Variants in STX8 observed in about 807,000 individuals in gnomAD.
STX8 encodes the protein syntaxin-8.
Under a neutral mutation model 37.5 loss-of-function variants are expected in STX8, and 23 were observed. The ratio of observed to expected loss-of-function variants is 0.61; its 90% CI spans 0.44 to 0.87. The LOEUF (loss-of-function observed/expected upper bound fraction) is 0.87, where lower values mean the gene tolerates loss of function less well. Ranked by LOEUF, STX8 falls within the 40% of genes least tolerant of loss-of-function variation. STX8 has a pLI of 0.00. For synonymous variants in STX8, 115 were observed against 99.1 expected (o/e 1.16, Z -0.95); for missense variants, 313 against 284.7 (o/e 1.10, Z -0.71).
intron 7 of STX8, among the ~76,000 whole-genome samples, chr17:9,252,903 G>T (rs1906641762): frequency 6.9e-6 from 1 of 145,014 alleles, no homozygotes; most frequent in Non-Finnish European, 1.5e-5. Flanking sequence ...TTTGTAGAGG[G>T]TTGTCAAAAA....
chr17:9,502,919 A>C (rs1343055697), intron 5 of STX8, among the ~76,000 whole-genome samples: 1 of 152,040 alleles, frequency 6.6e-6, no homozygotes, highest in African/African-American at 2.4e-5. Context: ...CCTGGCCAGC[A>C]TGGTGAAACC....
chr17:9,377,159 C>A (rs894228756), intron 7 of STX8, among the ~76,000 whole-genome samples: 1 of 152,172 alleles, frequency 6.6e-6, no homozygotes, highest in East Asian at 1.9e-4. Context: ...GCTTCTGAAG[C>A]TGCACATCTC....
At chr17:9,322,854 C>T (rs1189795909) in intron 7 of STX8, among the ~76,000 whole-genome samples, 4 of 139,934 alleles carry the variant, frequency 2.9e-5, no homozygotes, top group African/African-American at 1.1e-4. Flanking sequence ...GCAAAACCCT[C>T]ATTTGAAGTT....
chr17:9,336,688 C>A (rs900803771), intron 7 of STX8, among the ~76,000 whole-genome samples: 5 of 152,154 alleles, frequency 3.3e-5, no homozygotes, highest in African/African-American at 9.7e-5. Flanking sequence ...CCCACCTCGG[C>A]CTCCCAAAGT....
chr17:9,562,729 A>G (rs906442526), intron 2 of STX8, among the ~76,000 whole-genome samples: 5 of 152,190 alleles, frequency 3.3e-5, no homozygotes, highest in African/African-American at 1.2e-4. Context: ...TTATGAGGTT[A>G]ACAAAAATTC....
chr17:9,257,903 C>T (rs1401648280), intron 7 of STX8, among the ~76,000 whole-genome samples: 3 of 152,166 alleles, frequency 2.0e-5, no homozygotes, highest in African/African-American at 4.8e-5. Flanking sequence ...GCTGGAGAAT[C>T]ACTTGAACCC....
chr17:9,275,390 T>C (rs1384709071), intron 7 of STX8, among the ~76,000 whole-genome samples: 1 of 152,216 alleles, frequency 6.6e-6, no homozygotes, highest in Non-Finnish European at 1.5e-5. Context: ...TCTCTGTCTC[T>C]CCTTTAGTGC....
In STX8 at chr17:9,264,491, G is replaced by T. The variant is rs1271593430; in HGVS notation, c.644-13846C>A. ...GGATAATTTTTAAATTTTGTGTAGA[G>T]ATGAGGTCTCCCTGTGTTCCCAGGG... On this transcript the variant is annotated intron_variant, in intron 7 of 7. Coordinates refer to ENST00000306357, the MANE Select transcript of STX8 (RefSeq NM_004853.3). 2.6e-5 allele frequency among the ~76,000 whole-genome samples: 4 copies of T among 152,146 alleles called. No individual in the cohort carries two copies. In the South Asian group the frequency reaches 8.3e-4, roughly 32 times the overall value.
At chr17:9,279,289 T>C (rs1459348399) in intron 7 of STX8, among the ~76,000 whole-genome samples, 2 of 152,040 alleles carry the variant, frequency 1.3e-5, no homozygotes, top group East Asian at 3.9e-4. Flanking sequence ...ACTCCTGACC[T>C]CAGGTGATCC....
At chr17:9,525,838 A>C (rs1905546373) in intron 4 of STX8, among the ~76,000 whole-genome samples, 1 of 152,180 alleles carries the variant, frequency 6.6e-6, no homozygotes, top group African/African-American at 2.4e-5. Flanking sequence ...TGTCTATAGA[A>C]CACTTTCCAG....
chr17:9,317,763 CAG>C (rs1381833762), intron 7 of STX8, among the ~76,000 whole-genome samples: 2 of 134,418 alleles, frequency 1.5e-5, no homozygotes, highest in African/African-American at 5.6e-5. Context: ...GACTCTGTCT[CAG>C]AAAAAGAAAA....
chr17:9,453,794 C>A (rs960387738), intron 6 of STX8, among the ~76,000 whole-genome samples: 1 of 151,952 alleles, frequency 6.6e-6, no homozygotes, highest in African/African-American at 2.4e-5. Flanking sequence ...TACCTGGCTA[C>A]TTGTCTTTCT....
rs1597703607 is a variant in STX8 at position 9,488,813 on chromosome 17, A to T, written c.541+3016T>A. ...CATTAAGAGAGAAAGAGAGAGAGAG[A>T]GAGAGAGAGTGTGTGTGTGTGTGTG... On this transcript the variant is annotated intron_variant, in intron 6 of 7. Coordinates refer to ENST00000306357, the MANE Select transcript of STX8 (RefSeq NM_004853.3). Among the ~76,000 whole-genome samples the T allele has an allele frequency of 4.1e-5, 4 of 98,370 alleles. No individual in the cohort carries two copies. In the South Asian group the frequency reaches 1.5e-3, roughly 38 times the overall value. 64.5% of individuals were successfully genotyped at this position (98,370 alleles called of 152,430 possible).
At chr17:9,251,782 G>A (rs1906587758) in intron 7 of STX8, among the ~76,000 whole-genome samples, 1 of 152,216 alleles carries the variant, frequency 6.6e-6, no homozygotes, top group African/African-American at 2.4e-5. Flanking sequence ...AGATCCTCAG[G>A]GTTCAATGTG....
chr17:9,321,216 A>C (rs1010954121), intron 7 of STX8, among the ~76,000 whole-genome samples: 2 of 152,156 alleles, frequency 1.3e-5, no homozygotes, highest in Non-Finnish European at 2.9e-5. Flanking sequence ...GGAAATCAAT[A>C]GGTAATGTCT....
chr17:9,499,671 T>C (rs572689695), intron 5 of STX8, among the ~76,000 whole-genome samples: 1 of 152,300 alleles, frequency 6.6e-6, no homozygotes, highest in African/African-American at 2.4e-5. Flanking sequence ...GTGCTGGGAT[T>C]ACCGGCGTGA....
intron 7 of STX8, among the ~76,000 whole-genome samples, chr17:9,335,738 TACC>T (rs1910114707): frequency 6.6e-6 from 1 of 152,110 alleles, no homozygotes; most frequent in South Asian, 2.1e-4. Context: ...GCTAGATCTT[TACC>T]TCAAGAATTT....
intron 2 of STX8, among the ~76,000 whole-genome samples, chr17:9,559,952 G>A (rs1239346311): frequency 6.7e-6 from 1 of 148,194 alleles, no homozygotes; most frequent in Non-Finnish European, 1.5e-5. Flanking sequence ...AGTAGAGACA[G>A]AGTTTCACCA....
intron 6 of STX8, among the ~76,000 whole-genome samples, chr17:9,447,128 T>C (rs1318079691): frequency 6.6e-6 from 1 of 152,188 alleles, no homozygotes; most frequent in South Asian, 2.1e-4. Flanking sequence ...TCTGTCTCAG[T>C]AAAGAGGGGT....
Sources: gnomAD v4.1 joint callset for allele counts (sites outside exome capture counted in the v4.1 genomes callset) on GRCh38, gnomAD v4.1.1 for gene constraint, MANE v1.5 for transcripts, NCBI Gene and HGNC (gene_info 2026-07-23, HGNC 2026-07-21) for gene names.